Variants in RGMA observed in about 807,000 individuals in gnomAD.
RGMA encodes the protein repulsive guidance molecule BMP co-receptor a, also known as repulsive guidance molecule A.
A neutral mutation model predicts 23.2 loss-of-function variants in RGMA; 10 were observed. That is an observed-to-expected ratio of 0.43 (90% CI 0.27 to 0.73). The LOEUF (loss-of-function observed/expected upper bound fraction) is 0.73. Among genes scored for constraint, RGMA ranks in the 30% least tolerant of loss-of-function variants. The pLI is 0.20. For missense variants in RGMA, 547 were observed against 630.5 expected (o/e 0.87, Z 1.42); for synonymous variants, 308 against 279.3 (o/e 1.10, Z -1.03).
At position 93,041,814 on chromosome 15, in the gene RGMA, A is replaced by G. The variant is rs1484003889; in HGVS notation, c.*3184T>C. On this transcript the variant is annotated 3_prime_UTR_variant, in exon 4 of 4. Coordinates refer to ENST00000329082, the MANE Select transcript of RGMA (RefSeq NM_020211.3). ...TTTCCAGTCTGGTTCCTGCCTCCCA[A>G]ACCCAACTCCCGTGTTCTCTCTGGG... 6.6e-6 allele frequency: 1 copy of G among 152,124 alleles called. No homozygotes were observed. The highest frequency in any genetic ancestry group is 1.5e-5 in the Non-Finnish European group (1 of 68,066). The allele number at this position is 152,124 out of a possible 1,614,324, so 9.4% of individuals were successfully genotyped here.
At position 93,036,473 on chromosome 15, in the gene RGMA, C is replaced by T. The variant is rs2054662162; in HGVS notation, c.*8525G>A. On this transcript the variant is annotated 3_prime_UTR_variant, in exon 4 of 4. Transcript: ENST00000329082. ...TCCTGCTCCACCCTGGGGAGGGACC[C>T]CTGGCCCCGCAGACCTGGTCCCTGG... 2.0e-5 allele frequency: 3 copies of T among 152,434 alleles called. No individual in the cohort carries two copies. The highest frequency in any genetic ancestry group is 4.1e-4 in the South Asian group (2 of 4,832). 9.4% of individuals were successfully genotyped at this position (152,434 alleles called of 1,614,324 possible).
At chr15:93,069,213 G>A (rs1046688930) in intron 2 of RGMA, among the ~76,000 whole-genome samples, 10 of 152,136 alleles carry the variant, frequency 6.6e-5, no homozygotes, top group Non-Finnish European at 1.0e-4. Flanking sequence ...GGGTTCGGGC[G>A]ATTCTCCTGC....
At chr15:93,071,582 T>A (rs1895323701) in intron 2 of RGMA, among the ~76,000 whole-genome samples, 1 of 152,202 alleles carries the variant, frequency 6.6e-6, no homozygotes, top group Non-Finnish European at 1.5e-5. Context: ...AAGTCTGAGC[T>A]GGCGCTGGGG....
chr15:93,061,370 G>A (rs1216250940), intron 2 of RGMA, among the ~76,000 whole-genome samples: 2 of 152,144 alleles, frequency 1.3e-5, no homozygotes, highest in African/African-American at 2.4e-5. Flanking sequence ...GCTCGGCCAC[G>A]AACTCCTGAG....
rs1382321666 is a variant in RGMA, at chr15:93,059,765, GC to G, written c.131-7259del. On this transcript the variant is annotated intron_variant, in intron 2 of 3. Transcript: ENST00000329082. Reference sequence around the variant, plus strand: ...AGGTCAAGGACCTGAATGAAATCTGGCCCAGCATCAAAAGCAATAGCTGTGG... The same window carrying G: ...AGGTCAAGGACCTGAATGAAATCTGGCCAGCATCAAAAGCAATAGCTGTGG... Among the ~76,000 whole-genome samples, 9 of 152,276 alleles carry G rather than the reference GC, an allele frequency of 5.9e-5. No homozygotes were observed. The East Asian group carries it at 1.7e-3, about 29-fold the overall frequency.
Position 93,039,507 on chromosome 15 carries a change from T to C in RGMA, c.*5491A>G, listed in dbSNP as rs1157584325. ...TGCTGCACCTATGAACCCGTCATCA[T>C]CTACATTGGGTATTTCTCCTGATGC... On this transcript the variant is annotated 3_prime_UTR_variant, in exon 4 of 4. Coordinates refer to ENST00000329082, the MANE Select transcript of RGMA (RefSeq NM_020211.3). 6.6e-6 allele frequency: 1 copy of C among 152,240 alleles called. No homozygotes were observed. The highest frequency in any genetic ancestry group is 1.5e-5 in the Non-Finnish European group (1 of 68,070). The allele number at this position is 152,240 out of a possible 1,614,324, so 9.4% of individuals were successfully genotyped here. A position where few individuals can be genotyped will look rare whatever the true frequency, so the allele number is the denominator to read the frequency against.
At chr15:93,072,889 C>A (rs767046317) in intron 2 of RGMA, 27 bp downstream of exon 2, 3 of 1,582,578 alleles carry the variant, frequency 1.9e-6, no homozygotes, top group Non-Finnish European at 1.7e-6. Flanking sequence ...GGACCCGGCC[C>A]CGCGCGCCCG....
At position 93,042,117 on chromosome 15, in the gene RGMA, G is replaced by C. The variant is rs8026806; in HGVS notation, c.*2881C>G. On this transcript the variant is annotated 3_prime_UTR_variant, in exon 4 of 4. Transcript: ENST00000329082. ...GGCAGGGGCTGCAGTGAGCTGGGAT[G>C]GTGCCACTGCACTCCAGCCTGGCGA... The C allele has an allele frequency of 0.14, 20,582 of 152,278 alleles. 3,717 individuals carry two copies. The highest frequency in any genetic ancestry group is 0.77 in the East Asian group (3,957 of 5,158). The allele number at this position is 152,278 out of a possible 1,614,324, so 9.4% of individuals were successfully genotyped here. A position where few individuals can be genotyped will look rare whatever the true frequency, so the allele number is the denominator to read the frequency against.
At chr15:93,073,679 C>G in intron 1 of RGMA, 2 of 1,537,268 alleles carry the variant, frequency 1.3e-6, no homozygotes, top group Non-Finnish European at 1.7e-6. Context: ...TTGTCTAGGT[C>G]TGGGCAGGAT....
chr15:93,037,368 TCCATCCCTGG>T lies in RGMA; in HGVS notation c.*7620_*7629del, dbSNP rs2054672516. On this transcript the variant is annotated 3_prime_UTR_variant, in exon 4 of 4. Coordinates refer to ENST00000329082, the MANE Select transcript of RGMA (RefSeq NM_020211.3). The surrounding 1 kb of genome is among the most constrained non-coding windows in gnomAD (Gnocchi z 4.3). ...GGGTGTGTCTGTGCCCATGCCACTG[TCCATCCCTGG>T]CCATCCAGGCCCGTGAAACACAAGG... 1 of 152,200 alleles carries T rather than the reference TCCATCCCTGG, an allele frequency of 6.6e-6. No homozygotes were observed. Among genetic ancestry groups the T allele is most frequent in the East Asian group, 1.9e-4 (1 of 5,194 alleles). The allele number at this position is 152,200 out of a possible 1,614,324, so 9.4% of individuals were successfully genotyped here.
At chr15:93,088,177 C>T in intron 1 of RGMA, 1 of 804,138 alleles carries the variant, frequency 1.2e-6, no homozygotes, top group Non-Finnish European at 1.5e-6. Flanking sequence ...CCGAGCAAGT[C>T]TAATACAATT....
chr15:93,035,720 T>G lies in RGMA; in HGVS notation c.*9278A>C, dbSNP rs1480392920. 6.6e-6 allele frequency: 1 copy of G among 152,208 alleles called. No individual in the cohort carries two copies. The highest frequency in any genetic ancestry group is 1.5e-5 in the Non-Finnish European group (1 of 68,076). The allele number at this position is 152,208 out of a possible 1,614,324, so 9.4% of individuals were successfully genotyped here. A position where few individuals can be genotyped will look rare whatever the true frequency, so the allele number is the denominator to read the frequency against. ...GAGAGATGGGTCAAGGCGGGGATCA[T>G]TGTCAGAACTCAGATTCTAGCCCGA... On this transcript the variant is annotated 3_prime_UTR_variant, in exon 4 of 4. Coordinates refer to ENST00000329082, the MANE Select transcript of RGMA (RefSeq NM_020211.3).
At chr15:93,074,786 G>A (rs762891266) in intron 1 of RGMA, among the ~76,000 whole-genome samples, 16 of 152,264 alleles carry the variant, frequency 1.1e-4, no homozygotes, top group African/African-American at 2.6e-4. Context: ...CCATTCCAGC[G>A]GCCACCGGGG....
At chr15:93,073,981 A>G (rs1320516750) in intron 1 of RGMA, 1 of 1,419,904 alleles carries the variant, frequency 7.0e-7, no homozygotes, top group Non-Finnish European at 9.2e-7. Context: ...GGAGGGCTTC[A>G]GTATGGTGAC....
Position 93,045,256 on chromosome 15 carries a change from C to T in RGMA, c.1095G>A (p.Lys365=), listed in dbSNP as rs2054802463. ...FPYETAVAKC[K]EKLPVEDLYY... is the part of the protein sequence containing the mutation. ...ACAGGTCCTCCACCGGCAGCTTCTCCTTGCACTTGGCCACGGCTGTCTCGT... is the reference window on the plus strand; with the variant it reads ...ACAGGTCCTCCACCGGCAGCTTCTCTTTGCACTTGGCCACGGCTGTCTCGT... Residue 365 remains lysine (K), a synonymous_variant, in exon 4 of 4, where the codon AAG becomes AAA. Coordinates refer to ENST00000329082, the MANE Select transcript of RGMA (RefSeq NM_020211.3). This position sits in a 1 kb window ranked among gnomAD's most constrained non-coding sequence, Gnocchi z 6.9. 1 of 1,613,176 alleles carries T rather than the reference C, an allele frequency of 6.2e-7. No individual in the cohort carries two copies.
chr15:93,072,920 G>A lies in RGMA; in HGVS notation c.126C>T (p.Pro42=), dbSNP rs1210194884. The A allele has an allele frequency of 1.2e-6, 2 of 1,604,982 alleles. No homozygotes were observed. The highest frequency in any genetic ancestry group is 1.1e-5 in the South Asian group (1 of 89,062). Residue 42 remains proline, a synonymous_variant, in exon 2 of 4, where the codon CCC becomes CCT. Coordinates refer to ENST00000329082, the MANE Select transcript of RGMA (RefSeq NM_020211.3). ...GCCCGGCCGGCAGTGCCTTACCTGC[G>A]GGGAAGCTGCAGAGAAGGAAGGCGA... The part of the protein sequence containing the change: ...PTLAFLLCSF[P]AATSPCKILK...
chr15:93,051,075 C>T (rs1297608411), intron 3 of RGMA, among the ~76,000 whole-genome samples: 2 of 152,180 alleles, frequency 1.3e-5, no homozygotes, highest in East Asian at 3.9e-4. Flanking sequence ...GCTTGGGAAT[C>T]CACAGGGCGA....
At chr15:93,085,520 A>C (rs1318094242) in intron 1 of RGMA, among the ~76,000 whole-genome samples, 1 of 152,224 alleles carries the variant, frequency 6.6e-6, no homozygotes, top group African/African-American at 2.4e-5. Flanking sequence ...AGTAAATCCA[A>C]CCAGCAATTC....
In RGMA at chr15:93,052,389, G is replaced by A. The variant is rs747404513; in HGVS notation, c.249C>T (p.Ala83=). The change falls in exon 3 of 4, where the codon GCC becomes GCT. Residue 83 remains alanine (A), a synonymous_variant. Transcript: ENST00000329082. Reference sequence around the variant, plus strand: ...TGCGGGCCGTCCGCCGCGTGCACAGGGCGTAGCTGCGCAAGGCTGCACAGA... The same window carrying A: ...TGCGGGCCGTCCGCCGCGTGCACAGAGCGTAGCTGCGCAAGGCTGCACAGA... ...PEFCAALRSY[A]LCTRRTARTC... The A allele has an allele frequency of 1.0e-4, 160 of 1,599,882 alleles. No individual in the cohort carries two copies. Among genetic ancestry groups the A allele is most frequent in the Non-Finnish European group, 1.3e-4 (156 of 1,179,428 alleles).
Sources: allele counts gnomAD v4.1 joint callset (sites outside exome capture counted in the v4.1 genomes callset), GRCh38; gene constraint gnomAD v4.1.1; non-coding constraint Gnocchi (gnomAD v3.1); transcripts MANE v1.5; gene names NCBI Gene and HGNC (gene_info 2026-07-23, HGNC 2026-07-21).